Variants in BNC2 observed in about 807,000 individuals in gnomAD.
BNC2 encodes the protein basonuclin zinc finger protein 2.
In BNC2, 20 loss-of-function variants were observed where a neutral mutation model predicts 76.3. The observed-to-expected ratio is 0.26, with a 90% confidence interval of 0.18 to 0.38. The LOEUF (loss-of-function observed/expected upper bound fraction) is 0.38, where lower values mean the gene tolerates loss of function less well. Ranked by LOEUF, BNC2 falls within the 10% of genes least tolerant of loss-of-function variation. BNC2 has a pLI of 1.00. For synonymous variants in BNC2, 582 were observed against 514.8 expected (o/e 1.13, Z -1.77); for missense variants, 1,382 against 1,399.8 (o/e 0.99, Z 0.20).
chr9:16,813,394 T>C (rs974824459), intron 1 of BNC2, among the ~76,000 whole-genome samples: 1 of 150,984 alleles, frequency 6.6e-6, no homozygotes, highest in South Asian at 2.1e-4. Context: ...GCCTCCCGAG[T>C]AGCTGGGACT....
chr9:16,638,805 A>T (rs1377926384), intron 3 of BNC2, among the ~76,000 whole-genome samples: 1 of 152,214 alleles, frequency 6.6e-6, no homozygotes, highest in Non-Finnish European at 1.5e-5. Flanking sequence ...TAAATGAGTA[A>T]AATTGAGTCT....
intron 1 of BNC2, among the ~76,000 whole-genome samples, chr9:16,774,391 GAC>G (rs575602245): frequency 1.8e-4 from 27 of 152,286 alleles, no homozygotes; most frequent in Admixed American, 5.9e-4. Context: ...TGCATCCAAT[GAC>G]AGTTTCGATT....
intron 1 of BNC2, among the ~76,000 whole-genome samples, chr9:16,742,100 G>A (rs1015990052): frequency 7.9e-5 from 12 of 152,078 alleles, no homozygotes; most frequent in Admixed American, 5.2e-4. Flanking sequence ...AATTGATTTT[G>A]GATGAAATTA....
At chr9:16,684,678 A>C (rs1424778619) in intron 3 of BNC2, among the ~76,000 whole-genome samples, 2 of 152,104 alleles carry the variant, frequency 1.3e-5, no homozygotes, top group African/African-American at 2.4e-5. Flanking sequence ...CTAAAAAAAA[A>C]AGTATGAGTT....
chr9:16,429,454 G>A (rs1034724452), intron 6 of BNC2: 1 of 153,760 alleles, frequency 6.5e-6, no homozygotes, highest in African/African-American at 2.4e-5. Flanking sequence ...CACCAATAAA[G>A]TCTGTGAGAA....
At chr9:16,582,908 C>CAG in intron 4 of BNC2, 75 bp downstream of exon 4, 1 of 1,001,486 alleles carries the variant, frequency 1.0e-6, no homozygotes, top group Non-Finnish European at 1.6e-6. Flanking sequence ...CACACACACA[C>CAG]ACACACACAC....
At chr9:16,692,271 A>G (rs1353314880) in intron 3 of BNC2, among the ~76,000 whole-genome samples, 1 of 152,212 alleles carries the variant, frequency 6.6e-6, no homozygotes, top group Admixed American at 6.5e-5. Flanking sequence ...AATTTCAAGT[A>G]TGCCACACCC....
intron 3 of BNC2, among the ~76,000 whole-genome samples, chr9:16,647,883 CTA>C (rs770433731): frequency 1.1e-4 from 16 of 152,078 alleles, no homozygotes; most frequent in Non-Finnish European, 2.4e-4. Context: ...CTGCCATGAA[CTA>C]TATTTCTAAT....
intron 1 of BNC2, among the ~76,000 whole-genome samples, chr9:16,748,383 C>G (rs537339165): frequency 6.6e-6 from 1 of 151,960 alleles, no homozygotes; most frequent in Admixed American, 6.6e-5. Context: ...CATGGTGGTA[C>G]GTGCCAATGG....
Position 16,711,752 on chromosome 9 carries a change from TCTCA to T in BNC2, c.330+16041_330+16044del, listed in dbSNP as rs541328004. Among the ~76,000 whole-genome samples the T allele has an allele frequency of 4.1e-3, 620 of 152,336 alleles. 3 individuals carry two copies. The highest frequency in any genetic ancestry group is 0.013 in the African/African-American group (535 of 41,582). On this transcript the variant is annotated intron_variant, in intron 3 of 6. Transcript: ENST00000380672. ...ATATATTCTACTTTAAATGTGCTTG[TCTCA>T]CTCAGTAAGAAACAATGAATACATG...
At chr9:16,493,910 G>A (rs1415319768) in intron 5 of BNC2, among the ~76,000 whole-genome samples, 1 of 152,062 alleles carries the variant, frequency 6.6e-6, no homozygotes, top group Non-Finnish European at 1.5e-5. Context: ...AAAAGATGTG[G>A]GCATGTAGGA....
chr9:16,634,667 A>G (rs920253937), intron 3 of BNC2, among the ~76,000 whole-genome samples: 1 of 151,890 alleles, frequency 6.6e-6, no homozygotes, highest in Non-Finnish European at 1.5e-5. Context: ...ACACCTGGCT[A>G]ATTTTTTGTA....
At chr9:16,429,551 A>G (rs189733186) in intron 6 of BNC2, 29 of 173,588 alleles carry the variant, frequency 1.7e-4, no homozygotes, top group Admixed American at 1.5e-3. Flanking sequence ...TGCACTCAGT[A>G]TGTGCATTCT....
At chr9:16,862,638 C>G (rs1448737631) in intron 1 of BNC2, among the ~76,000 whole-genome samples, 2 of 152,198 alleles carry the variant, frequency 1.3e-5, no homozygotes, top group Non-Finnish European at 2.9e-5. Flanking sequence ...CAGAGAGTAG[C>G]TACTGCCATG....
chr9:16,524,210 C>T (rs574104301), intron 5 of BNC2, among the ~76,000 whole-genome samples: 2 of 152,270 alleles, frequency 1.3e-5, no homozygotes, highest in South Asian at 4.1e-4. Flanking sequence ...ACTGTGACCC[C>T]TTTGAAACTG....
intron 3 of BNC2, among the ~76,000 whole-genome samples, chr9:16,703,965 A>G (rs1823588296): frequency 6.6e-6 from 1 of 152,244 alleles, no homozygotes. Flanking sequence ...CTGAACAGGA[A>G]CATGAAAACA....
At chr9:16,519,523 T>C (rs1333830455) in intron 5 of BNC2, among the ~76,000 whole-genome samples, 1 of 152,082 alleles carries the variant, frequency 6.6e-6, no homozygotes, top group Non-Finnish European at 1.5e-5. Flanking sequence ...CTAGTGGCAG[T>C]GGGTGGACTT....
At chr9:16,835,135 G>C (rs772908819) in intron 1 of BNC2, among the ~76,000 whole-genome samples, 101 of 152,098 alleles carry the variant, frequency 6.6e-4, no homozygotes, top group Non-Finnish European at 2.4e-4. Context: ...CACAAATAGA[G>C]AAACAATTCA....
chr9:16,860,866 A>G (rs577480506), intron 1 of BNC2, among the ~76,000 whole-genome samples: 33 of 151,956 alleles, frequency 2.2e-4, no homozygotes, highest in Middle Eastern at 3.4e-3. Flanking sequence ...GCCAACATAG[A>G]GAAACCCTAT....
Sources: allele counts gnomAD v4.1 joint callset (sites outside exome capture counted in the v4.1 genomes callset), GRCh38; gene constraint gnomAD v4.1.1; transcripts MANE v1.5; gene names NCBI Gene and HGNC (gene_info 2026-07-23, HGNC 2026-07-21).